YAF2: variants seen among roughly 807,000 people sequenced by gnomAD.
The protein encoded by YAF2 is YY1-associated factor 2.
In YAF2, 7 loss-of-function variants were observed where a neutral mutation model predicts 20.1. The observed-to-expected ratio is 0.35, with a 90% CI of 0.20 to 0.65. The LOEUF is 0.65. YAF2 is among the 30% of genes least tolerant of loss of function. The pLI is 0.69. For missense variants in YAF2, 151 were observed against 219.2 expected, an observed-to-expected ratio of 0.69 and a Z score of 1.96; for synonymous variants, 74 against 76.0, an observed-to-expected ratio of 0.97 and a Z score of 0.14.
intron 2 of YAF2, among the ~76,000 whole-genome samples, chr12:42,229,521 A>G (rs2067912816): frequency 6.6e-6 from 1 of 152,206 alleles, no homozygotes; most frequent in African/African-American, 2.4e-5. Context: ...CCTGTAGGGC[A>G]GATAAGTGTC....
Position 42,158,549 on chromosome 12 carries a change from T to C in YAF2, c.*2040A>G, listed in dbSNP as rs2065742779. The C allele has an allele frequency of 6.6e-6, 1 of 152,236 alleles. No homozygotes were observed. The highest frequency in any genetic ancestry group is 6.5e-5 in the Admixed American group (1 of 15,286). 9.4% of individuals were successfully genotyped at this position (152,236 alleles called of 1,614,324 possible). The stretch of plus-strand genomic sequence containing the variant: ...TAGATGTGATTACCATTATTAGCCC[T>C]GTTTTATAGATGGAAAGTAAGCTTG... On this transcript the variant is annotated 3_prime_UTR_variant, in exon 4 of 4. Coordinates refer to ENST00000534854, the MANE Select transcript of YAF2 (RefSeq NM_005748.6).
At chr12:42,223,025 T>C (rs964454564) in intron 2 of YAF2, among the ~76,000 whole-genome samples, 5 of 152,050 alleles carry the variant, frequency 3.3e-5, no homozygotes, top group African/African-American at 9.7e-5. Context: ...ACTTGTGCAG[T>C]GCTTTACTGT....
intron 2 of YAF2, chr12:42,232,983 C>G: frequency 4.1e-6 from 4 of 985,394 alleles, no homozygotes; most frequent in Non-Finnish European, 4.8e-6. Flanking sequence ...TAAAGCGGTT[C>G]TAATTTGCAA....
intron 2 of YAF2, among the ~76,000 whole-genome samples, chr12:42,167,712 T>G (rs577742234): frequency 6.6e-6 from 1 of 152,200 alleles, no homozygotes; most frequent in Non-Finnish European, 1.5e-5. Context: ...CGAAAAGCTG[T>G]TGAAAATTTC....
At chr12:42,168,209 G>A (rs114153362) in intron 2 of YAF2, among the ~76,000 whole-genome samples, 1,483 of 133,140 alleles carry the variant, frequency 0.011, 24 homozygotes, top group African/African-American at 0.04. Flanking sequence ...ATGGAGCTTC[G>A]CTTTTGTTGC....
intron 2 of YAF2, among the ~76,000 whole-genome samples, chr12:42,193,610 G>C (rs942970261): frequency 2.0e-5 from 3 of 152,118 alleles, no homozygotes; most frequent in African/African-American, 7.2e-5. Context: ...GGGCTCAAGT[G>C]ATCCTCCCAC....
chr12:42,225,208 TG>T (rs1163212516), intron 2 of YAF2, among the ~76,000 whole-genome samples: 1 of 152,102 alleles, frequency 6.6e-6, no homozygotes, highest in African/African-American at 2.4e-5. Context: ...CACTTTTTGA[TG>T]GGGTTGTTTT....
chr12:42,179,272 T>G (rs1302113481), intron 2 of YAF2, among the ~76,000 whole-genome samples: 20 of 152,094 alleles, frequency 1.3e-4, no homozygotes. Context: ...GAGTTCGAGA[T>G]CAGCCTGGCC....
At chr12:42,180,455 T>G (rs1265563811) in intron 2 of YAF2, among the ~76,000 whole-genome samples, 1 of 152,124 alleles carries the variant, frequency 6.6e-6, no homozygotes, top group Non-Finnish European at 1.5e-5. Flanking sequence ...GTCGGGACCC[T>G]TGAGAGAGCT....
intron 2 of YAF2, among the ~76,000 whole-genome samples, chr12:42,228,041 G>A (rs542037900): frequency 1.1e-4 from 11 of 102,136 alleles, no homozygotes; most frequent in Middle Eastern, 8.2e-3. Context: ...CCCTCCGCCC[G>A]GCCAGCCGCC....
chr12:42,224,885 T>C (rs1347169946), intron 2 of YAF2, among the ~76,000 whole-genome samples: 1 of 152,238 alleles, frequency 6.6e-6, no homozygotes, highest in African/African-American at 2.4e-5. Flanking sequence ...CCTTTGGGTA[T>C]ATACCCAGTA....
chr12:42,177,356 C>G (rs1010949716), intron 2 of YAF2, among the ~76,000 whole-genome samples: 2 of 152,086 alleles, frequency 1.3e-5, no homozygotes, highest in Non-Finnish European at 2.9e-5. Context: ...AGTCCAAGAC[C>G]AAGGTCCAGT....
chr12:42,223,020 T>G (rs117591929), intron 2 of YAF2, among the ~76,000 whole-genome samples: 17 of 152,216 alleles, frequency 1.1e-4, no homozygotes, highest in African/African-American at 4.1e-4. Context: ...CTGTCACTTG[T>G]GCAGTGCTTT....
rs1005116959 is a variant in YAF2 at position 42,159,826 on chromosome 12, A to G, written c.*763T>C. 7.9e-5 allele frequency: 12 copies of G among 152,540 alleles called. No individual in the cohort carries two copies. The highest frequency in any genetic ancestry group is 2.7e-4 in the African/African-American group (11 of 41,440). The allele number at this position is 152,540 out of a possible 1,614,324, so 9.4% of individuals were successfully genotyped here. A position where few individuals can be genotyped will look rare whatever the true frequency, so the allele number is the denominator to read the frequency against. ...ATAATTATTTGAATTTTAATGTTTTATATGATACAGAAAATACCAGTGTTC... is the reference window on the plus strand; with the variant it reads ...ATAATTATTTGAATTTTAATGTTTTGTATGATACAGAAAATACCAGTGTTC... On this transcript the variant is annotated 3_prime_UTR_variant, in exon 4 of 4. Transcript: ENST00000534854.
At chr12:42,201,387 T>C (rs1426009747) in intron 2 of YAF2, among the ~76,000 whole-genome samples, 1 of 152,226 alleles carries the variant, frequency 6.6e-6, no homozygotes, top group African/African-American at 2.4e-5. Flanking sequence ...TAAGCATCTT[T>C]TCAGTTCATT....
chr12:42,210,644 A>C (rs2067181731), intron 2 of YAF2: 4 of 1,535,646 alleles, frequency 2.6e-6, no homozygotes, highest in Middle Eastern at 3.3e-4. Context: ...CAATAGGAGA[A>C]CTCCAGTTAC....
At chr12:42,161,528 C>T in intron 3 of YAF2, 85 bp downstream of exon 3, 2 of 1,390,520 alleles carry the variant, frequency 1.4e-6, no homozygotes, top group African/African-American at 1.5e-5. Flanking sequence ...TTTACTTCCA[C>T]TTTGTGTATA....
Position 42,164,846 on chromosome 12 carries a change from G to T in YAF2, c.153-3081C>A, listed in dbSNP as rs112834663. On this transcript the variant is annotated intron_variant, in intron 2 of 3. Coordinates refer to ENST00000534854, the MANE Select transcript of YAF2 (RefSeq NM_005748.6). ...GCACTTTGGGAGGCCAAGGCAGGCA[G>T]ATCATTTGAGTCCAGGAGTTCGAGG... Among the ~76,000 whole-genome samples, 944 of 152,198 alleles carry T rather than the reference G, an allele frequency of 6.2e-3. 7 individuals are homozygous for T. The highest frequency in any genetic ancestry group is 0.021 in the African/African-American group (890 of 41,532).
chr12:42,229,851 G>T (rs892141896), intron 2 of YAF2, among the ~76,000 whole-genome samples: 2 of 152,136 alleles, frequency 1.3e-5, no homozygotes, highest in Non-Finnish European at 2.9e-5. Flanking sequence ...CATTTTATGG[G>T]ACTGTATATG....
Sources: allele counts gnomAD v4.1 joint callset (sites outside exome capture counted in the v4.1 genomes callset), GRCh38; gene constraint gnomAD v4.1.1; transcripts MANE v1.5; gene names NCBI Gene and HGNC (gene_info 2026-07-23, HGNC 2026-07-21).